ALK: variants seen among roughly 807,000 people sequenced by gnomAD.
The protein encoded by ALK is ALK tyrosine kinase receptor.
Under a neutral mutation model 163.1 loss-of-function variants are expected in ALK, and 74 were observed. The observed-to-expected ratio is 0.45, with a 90% confidence interval of 0.38 to 0.55. ALK has a LOEUF of 0.55. ALK is among the 20% of genes least tolerant of loss of function. The pLI is 0.00. For synonymous variants in ALK, 960 were observed against 843.2 expected (o/e 1.14, Z -2.40); for missense variants, 2,063 against 2,105.3 (o/e 0.98, Z 0.39).
At chr2:29,349,011 T>C (rs1289385361) in intron 5 of ALK, among the ~76,000 whole-genome samples, 4 of 152,130 alleles carry the variant, frequency 2.6e-5, no homozygotes, top group Non-Finnish European at 2.9e-5. Context: ...ACGGGGATAA[T>C]AAGAGTACCT....
intron 11 of ALK, among the ~76,000 whole-genome samples, chr2:29,264,984 A>G (rs1004901891): frequency 1.3e-5 from 2 of 151,934 alleles, no homozygotes; most frequent in African/African-American, 2.4e-5. Context: ...ATGCATACAC[A>G]TATCCAAAAT....
intron 12 of ALK, among the ~76,000 whole-genome samples, chr2:29,242,805 G>C (rs1455506939): frequency 6.6e-6 from 1 of 152,236 alleles, no homozygotes; most frequent in Non-Finnish European, 1.5e-5. Context: ...CCCGGGGCTG[G>C]GGTCAGCTCT....
intron 11 of ALK, among the ~76,000 whole-genome samples, chr2:29,274,037 G>A (rs979293738): frequency 3.9e-5 from 6 of 152,140 alleles, no homozygotes; most frequent in Non-Finnish European, 8.8e-5. Flanking sequence ...GAGGGATGAT[G>A]CGAAAAGTAA....
chr2:29,502,519 A>G (rs561960208), intron 4 of ALK, among the ~76,000 whole-genome samples: 1 of 152,104 alleles, frequency 6.6e-6, no homozygotes, highest in Admixed American at 6.6e-5. Flanking sequence ...TTACTTCATA[A>G]ATCTTGAGCT....
At chr2:29,688,552 A>G (rs1573556942) in intron 3 of ALK, among the ~76,000 whole-genome samples, 2 of 152,244 alleles carry the variant, frequency 1.3e-5, no homozygotes, top group South Asian at 4.1e-4. Flanking sequence ...AACTTAAAGT[A>G]GAAACTTGGC....
intron 1 of ALK, among the ~76,000 whole-genome samples, chr2:29,782,898 T>C (rs1466181263): frequency 6.6e-6 from 1 of 152,230 alleles, no homozygotes; most frequent in African/African-American, 2.4e-5. Context: ...CAGGCCCTTT[T>C]GCAGAATGCC....
chr2:29,303,061 T>C (rs749448202), intron 8 of ALK, among the ~76,000 whole-genome samples: 7 of 152,128 alleles, frequency 4.6e-5, no homozygotes, highest in African/African-American at 1.7e-4. Flanking sequence ...CAAAAGAAAC[T>C]ATAAACAGAG....
rs549190890 is a variant in ALK, at chr2:29,769,532, C to G, written c.668-51835G>C. Among the ~76,000 whole-genome samples, 14 of 152,274 alleles carry G rather than the reference C, an allele frequency of 9.2e-5. No homozygotes were observed. In the South Asian group the frequency reaches 2.9e-3, roughly 32 times the overall value. ...GACGAGTGCACCAGTATCTGAGCCT[C>G]AGCACCTAGCCCCAGGCCTGGCTCG... On this transcript the variant is annotated intron_variant, in intron 1 of 28. Transcript: ENST00000389048.
At chr2:29,679,770 T>A (rs976630467) in intron 3 of ALK, among the ~76,000 whole-genome samples, 16 of 151,960 alleles carry the variant, frequency 1.1e-4, no homozygotes, top group African/African-American at 3.6e-4. Flanking sequence ...AACCCATATG[T>A]TTACTATTTC....
At chr2:29,252,827 T>A (rs1011458266) in intron 11 of ALK, among the ~76,000 whole-genome samples, 2 of 145,250 alleles carry the variant, frequency 1.4e-5, no homozygotes, top group Non-Finnish European at 2.9e-5. Context: ...TTTCCTGATT[T>A]TTTATTTATT....
At chr2:29,703,343 T>C (rs1678804108) in intron 2 of ALK, among the ~76,000 whole-genome samples, 1 of 152,236 alleles carries the variant, frequency 6.6e-6, no homozygotes, top group Non-Finnish European at 1.5e-5. Flanking sequence ...CATATGTCTA[T>C]GGCCATATGT....
chr2:29,382,160 G>A (rs1355973083), intron 5 of ALK, among the ~76,000 whole-genome samples: 1 of 152,180 alleles, frequency 6.6e-6, no homozygotes, highest in African/African-American at 2.4e-5. Context: ...GGAATCAGAG[G>A]AAGACTCATC....
intron 26 of ALK, among the ~76,000 whole-genome samples, chr2:29,203,625 T>A (rs1669239856): frequency 6.6e-6 from 1 of 150,644 alleles, no homozygotes; most frequent in Non-Finnish European, 1.5e-5. Context: ...TAGCTGGGAT[T>A]ACAGGCACCC....
intron 4 of ALK, among the ~76,000 whole-genome samples, chr2:29,456,169 A>G (rs908215956): frequency 6.6e-6 from 1 of 152,164 alleles, no homozygotes; most frequent in African/African-American, 2.4e-5. Context: ...GTGGTTCCTC[A>G]AAAAGTTAAA....
chr2:29,413,503 C>T (rs968692782), intron 4 of ALK, among the ~76,000 whole-genome samples: 3 of 151,682 alleles, frequency 2.0e-5, no homozygotes, highest in Non-Finnish European at 4.4e-5. Context: ...CACACCACCA[C>T]ATCTGGCTGA....
chr2:29,673,313 C>T (rs1354298007), intron 3 of ALK, among the ~76,000 whole-genome samples: 11 of 113,672 alleles, frequency 9.7e-5, no homozygotes, highest in Admixed American at 5.3e-4. Flanking sequence ...GGTTTTAGGT[C>T]TAACGTTTAA....
chr2:29,457,630 C>A (rs1224618097), intron 4 of ALK, among the ~76,000 whole-genome samples: 1 of 152,112 alleles, frequency 6.6e-6, no homozygotes, highest in African/African-American at 2.4e-5. Context: ...TCAAACAACA[C>A]TATGAATCAG....
intron 1 of ALK, among the ~76,000 whole-genome samples, chr2:29,919,517 G>A (rs190844489): frequency 2.0e-5 from 3 of 152,280 alleles, no homozygotes; most frequent in African/African-American, 7.2e-5. Context: ...GGGGACAGTT[G>A]GGTGAGATTC....
At chr2:29,274,055 T>C (rs1408118679) in intron 11 of ALK, among the ~76,000 whole-genome samples, 2 of 151,886 alleles carry the variant, frequency 1.3e-5, no homozygotes, top group Non-Finnish European at 2.9e-5. Context: ...TAACTAACTC[T>C]TTCTCCTGGG....
Sources: gnomAD v4.1 joint callset for allele counts (sites outside exome capture counted in the v4.1 genomes callset) on GRCh38, gnomAD v4.1.1 for gene constraint, MANE v1.5 for transcripts, NCBI Gene and HGNC (gene_info 2026-07-23, HGNC 2026-07-21) for gene names.